The following PLGRKT variants were observed in gnomAD, a reference collection of about 807,000 sequenced individuals.
PLGRKT encodes plasminogen receptor (KT).
A neutral mutation model predicts 18.5 loss-of-function variants in PLGRKT; 22 were observed. The observed-to-expected ratio is 1.19, with a 90% CI of 0.85 to 1.70. The LOEUF (loss-of-function observed/expected upper bound fraction) is 1.70, where lower values mean the gene tolerates loss of function less well. PLGRKT is among the 40% of genes most tolerant of loss of function. The pLI, the probability that PLGRKT is intolerant of heterozygous loss-of-function variation, is 0.00. For synonymous variants in PLGRKT, 72 were observed against 52.8 expected (o/e 1.36, Z -1.58); for missense variants, 235 against 174.4 (o/e 1.35, Z -1.96).
At chr9:5,430,862 TG>T (rs1486504777) in intron 3 of PLGRKT, among the ~76,000 whole-genome samples, 3 of 152,246 alleles carry the variant, frequency 2.0e-5, no homozygotes, top group African/African-American at 7.2e-5. Context: ...CATTTTAAAA[TG>T]TTTTTTACAA....
chr9:5,378,162 C>T (rs1817667714), intron 3 of PLGRKT, among the ~76,000 whole-genome samples: 1 of 151,928 alleles, frequency 6.6e-6, no homozygotes, highest in African/African-American at 2.4e-5. Context: ...CCAAGGGCTA[C>T]CAGACATTTG....
intron 3 of PLGRKT, among the ~76,000 whole-genome samples, chr9:5,382,202 G>T (rs78034284): frequency 6.6e-6 from 1 of 152,196 alleles, no homozygotes; most frequent in Non-Finnish European, 1.5e-5. Context: ...GGATGCTAAG[G>T]ATGGAAGACA....
chr9:5,359,685 T>C (rs745671045), intron 5 of PLGRKT, among the ~76,000 whole-genome samples: 7 of 152,210 alleles, frequency 4.6e-5, no homozygotes, highest in South Asian at 2.1e-4. Flanking sequence ...TCTAATGTGA[T>C]AAGTTTTCTG....
chr9:5,387,821 T>C (rs1817873935), intron 3 of PLGRKT, among the ~76,000 whole-genome samples: 1 of 151,814 alleles, frequency 6.6e-6, no homozygotes, highest in Admixed American at 6.6e-5. Context: ...GTATTGCAGA[T>C]GGGCAAGGGT....
At chr9:5,434,084 G>C (rs1290476181) in intron 2 of PLGRKT, among the ~76,000 whole-genome samples, 1 of 148,234 alleles carries the variant, frequency 6.7e-6, no homozygotes, top group South Asian at 2.1e-4. Context: ...GGGAAGTGAG[G>C]AGTGCCTCTG....
chr9:5,382,610 T>C (rs1195396755), intron 3 of PLGRKT, among the ~76,000 whole-genome samples: 1 of 152,196 alleles, frequency 6.6e-6, no homozygotes, highest in Non-Finnish European at 1.5e-5. Context: ...TGGAGGAATT[T>C]GCAAGCCATG....
Position 5,358,239 on chromosome 9 carries a change from T to C in PLGRKT, c.444A>G (p.Ter148TrpextTer14), listed in dbSNP as rs762328204. The C allele has an allele frequency of 2.5e-6, 4 of 1,608,064 alleles. No homozygotes were observed. In the South Asian group the frequency reaches 4.4e-5, roughly 18 times the overall value. The stretch of plus-strand genomic sequence containing the variant: ...TGAGATTTGATTGGTAAGCATGATT[T>C]CATTTGTCTATGAAGAATCTACTCT... Reference protein sequence around the residue: ...KEQSRFFIDK* With the variant: ...KEQSRFFIDKW The change falls in exon 6 of 6, where the codon TGA becomes TGG. Residue 148 changes from the stop codon to tryptophan (W), a stop_lost. Coordinates refer to ENST00000223864, the MANE Select transcript of PLGRKT (RefSeq NM_018465.4).
At chr9:5,427,626 T>C (rs542594193) in intron 3 of PLGRKT, among the ~76,000 whole-genome samples, 10 of 152,326 alleles carry the variant, frequency 6.6e-5, no homozygotes, top group Non-Finnish European at 1.5e-4. Context: ...ATACATAGGC[T>C]TCAGTACAAT....
chr9:5,421,046 C>G lies in PLGRKT; in HGVS notation c.81+10851G>C, dbSNP rs1325881234. Reference sequence around the variant, plus strand: ...ACCATCAGGTCACATCACTACTCCTCTCAAAACCCTTTAATGGCTTCCCAC... The same window carrying G: ...ACCATCAGGTCACATCACTACTCCTGTCAAAACCCTTTAATGGCTTCCCAC... On this transcript the variant is annotated intron_variant, in intron 3 of 5. Coordinates refer to ENST00000223864, the MANE Select transcript of PLGRKT (RefSeq NM_018465.4). Among the ~76,000 whole-genome samples the G allele has an allele frequency of 2.0e-5, 3 of 152,348 alleles. No homozygotes were observed. The East Asian group carries it at 5.8e-4, about 29-fold the overall frequency.
At chr9:5,419,900 G>A (rs574291521) in intron 3 of PLGRKT, among the ~76,000 whole-genome samples, 5 of 152,264 alleles carry the variant, frequency 3.3e-5, no homozygotes, top group Non-Finnish European at 5.9e-5. Context: ...GAAAACAACT[G>A]TTCAAACAAA....
chr9:5,364,361 C>G (rs893490151), intron 3 of PLGRKT, among the ~76,000 whole-genome samples: 1 of 152,146 alleles, frequency 6.6e-6, no homozygotes, highest in Non-Finnish European at 1.5e-5. Flanking sequence ...CCTGGGAACT[C>G]TCAAAAGATT....
In PLGRKT at chr9:5,387,710, A is replaced by G. The variant is rs78485299; in HGVS notation, c.82-25822T>C. Among the ~76,000 whole-genome samples, 992 of 151,960 alleles carry G rather than the reference A, an allele frequency of 6.5e-3. 6 individuals carry two copies. Among genetic ancestry groups the G allele is most frequent in the Non-Finnish European group, 0.01 (683 of 68,022 alleles). On this transcript the variant is annotated intron_variant, in intron 3 of 5. Transcript: ENST00000223864. Reference sequence around the variant, plus strand: ...GATCTATCTTTTGATCTGGGTGTTAAGTACACAGGAATAAACATCTGTAGA... The same window carrying G: ...GATCTATCTTTTGATCTGGGTGTTAGGTACACAGGAATAAACATCTGTAGA...
intron 3 of PLGRKT, among the ~76,000 whole-genome samples, chr9:5,423,303 G>C (rs1169369224): frequency 4.6e-5 from 7 of 152,166 alleles, no homozygotes; most frequent in African/African-American, 1.4e-4. Context: ...ACTCCATAAA[G>C]TGTACTAAAT....
At chr9:5,415,661 T>C (rs530098613) in intron 3 of PLGRKT, among the ~76,000 whole-genome samples, 1 of 152,296 alleles carries the variant, frequency 6.6e-6, no homozygotes, top group South Asian at 2.1e-4. Context: ...TATCCTCTGA[T>C]ACAATGCAAC....
At position 5,361,862 on chromosome 9, in the gene PLGRKT, A is replaced by T; in HGVS notation, c.108T>A (p.Ser36Arg). Residue 36 changes from serine to arginine, a missense_variant, in exon 4 of 6, where the codon AGT (serine) becomes AGA (arginine). Physicochemically the swap from Ser to Arg is moderately radical, Grantham distance 110 (BLOSUM62 -1). Coordinates refer to ENST00000223864, the MANE Select transcript of PLGRKT (RefSeq NM_018465.4). ...TGGCCATTTGTCTTTCCCTCATTTC[A>T]CTCTGCATGATGAGCTGCCTTTCCA... The part of the protein sequence containing the change: ...LQLERQLIMQ[S>R]EMRERQMAMQ... The T allele has an allele frequency of 6.2e-7, 1 of 1,613,036 alleles. No homozygotes were observed. Among genetic ancestry groups the T allele is most frequent in the South Asian group, 1.1e-5 (1 of 90,854 alleles).
At chr9:5,412,978 T>A (rs1356204232) in intron 3 of PLGRKT, among the ~76,000 whole-genome samples, 1 of 152,138 alleles carries the variant, frequency 6.6e-6, no homozygotes, top group African/African-American at 2.4e-5. Context: ...CCCTCAAATG[T>A]GAGAAAATGT....
chr9:5,432,625 G>C (rs1485803606), intron 2 of PLGRKT, among the ~76,000 whole-genome samples: 1 of 151,992 alleles, frequency 6.6e-6, no homozygotes, highest in African/African-American at 2.4e-5. Flanking sequence ...GGCCTGCCGA[G>C]TGCCAGGGAT....
intron 3 of PLGRKT, among the ~76,000 whole-genome samples, chr9:5,373,966 C>T (rs1817578604): frequency 6.6e-6 from 1 of 152,088 alleles, no homozygotes; most frequent in African/African-American, 2.4e-5. Context: ...CTCTTCAAAT[C>T]CCATATTTGT....
At chr9:5,377,674 C>A (rs1027535917) in intron 3 of PLGRKT, among the ~76,000 whole-genome samples, 2 of 152,142 alleles carry the variant, frequency 1.3e-5, no homozygotes, top group African/African-American at 4.8e-5. Flanking sequence ...ACTATTCTGC[C>A]TATAAGAATG....
Sources: gnomAD v4.1 joint callset for allele counts (sites outside exome capture counted in the v4.1 genomes callset) on GRCh38, gnomAD v4.1.1 for gene constraint, MANE v1.5 for transcripts, NCBI Gene and HGNC (gene_info 2026-07-23, HGNC 2026-07-21) for gene names.